ACOX1: variants seen among roughly 807,000 people sequenced by gnomAD.
ACOX1 encodes peroxisomal acyl-coenzyme A oxidase 1.
Under a neutral mutation model 75.5 loss-of-function variants are expected in ACOX1, and 41 were observed. The ratio of observed to expected loss-of-function variants is 0.54; its 90% confidence interval spans 0.42 to 0.70. The LOEUF is 0.70. Ranked by LOEUF, ACOX1 falls within the 30% of genes least tolerant of loss-of-function variation. The pLI, the probability that ACOX1 is intolerant of heterozygous loss-of-function variation, is 0.00. For missense variants in ACOX1, 630 were observed against 837.5 expected (o/e 0.75, Z 3.06); for synonymous variants, 303 against 298.8 (o/e 1.01, Z -0.15).
At chr17:75,973,135 T>C (rs759714550) in intron 2 of ACOX1, among the ~76,000 whole-genome samples, 2 of 152,170 alleles carry the variant, frequency 1.3e-5, no homozygotes, top group African/African-American at 2.4e-5. Context: ...AAGACTGAAG[T>C]CAGATGAAGA....
rs1400658807 is a variant in ACOX1, at chr17:75,944,585, T to C, written c.*2163A>G. 1 of 152,206 alleles carries C rather than the reference T, an allele frequency of 6.6e-6. No individual in the cohort carries two copies. The highest frequency in any genetic ancestry group is 1.5e-5 in the Non-Finnish European group (1 of 68,044). 9.4% of individuals were successfully genotyped at this position (152,206 alleles called of 1,614,324 possible). ...ATCTAATAAACCTCTATTCTAAATT[T>C]CTTCATAATTTAAACCTATGTTTAG... On this transcript the variant is annotated 3_prime_UTR_variant, in exon 14 of 14. Transcript: ENST00000293217.
At chr17:75,953,027 G>A (rs2065788820) in intron 7 of ACOX1, among the ~76,000 whole-genome samples, 1 of 151,958 alleles carries the variant, frequency 6.6e-6, no homozygotes, top group South Asian at 2.1e-4. Context: ...TCAGTGAAAG[G>A]CAGTTGTAGG....
In ACOX1 at chr17:75,958,537, G is replaced by A. The variant is rs1014960585; in HGVS notation, c.431-971C>T. On this transcript the variant is annotated intron_variant, in intron 3 of 13. Coordinates refer to ENST00000293217, the MANE Select transcript of ACOX1 (RefSeq NM_004035.7). ...CAACAAAAAAATTAAAGCTGGGCACGGTGGCTCACGCCTGTAATCCCAGCA... is the reference window on the plus strand; with the variant it reads ...CAACAAAAAAATTAAAGCTGGGCACAGTGGCTCACGCCTGTAATCCCAGCA... 2.0e-4 allele frequency among the ~76,000 whole-genome samples: 29 copies of A among 143,696 alleles called. 1 individual carries two copies. Among genetic ancestry groups the A allele is most frequent in the East Asian group, 3.9e-4 (2 of 5,114 alleles). 94.3% of individuals were successfully genotyped at this position (143,696 alleles called of 152,430 possible).
Position 75,979,030 on chromosome 17 carries a change from T to A in ACOX1, c.44A>T (p.Asn15Ile). Residue 15 changes from asparagine to isoleucine, a missense_variant, in exon 1 of 14, where the codon AAC (asparagine) becomes ATC (isoleucine). Around this residue, in one of 2 missense-constraint regions of ACOX1, gnomAD observed 390 missense variants for 574.9 expected, o/e 0.68. Coordinates refer to ENST00000293217, the MANE Select transcript of ACOX1 (RefSeq NM_004035.7). ...LRRERDSASF[N>I]PELLTHILDG... ...CAGGATGTGTGTAAGCAGCTCCGGG[T>A]TGAAGCTGGCGGAATCCCGCTCCCT... The A allele has an allele frequency of 1.2e-6, 2 of 1,612,446 alleles. No homozygotes were observed. Among genetic ancestry groups the A allele is most frequent in the African/African-American group, 2.7e-5 (2 of 75,020 alleles).
rs2065754574 is a variant in ACOX1, at chr17:75,949,563, C to T, written c.1516G>A (p.Val506Met). The T allele has an allele frequency of 6.2e-7, 1 of 1,614,044 alleles. No individual in the cohort carries two copies. The highest frequency in any genetic ancestry group is 1.3e-5 in the African/African-American group (1 of 74,914). ...EIAAKNLQKE[V>M]IHRKSKEVAW... is the part of the protein sequence containing the mutation. ...ACCTCCTTGCTTTTTCTGTGAATCA[C>T]TTCTTTTTGAAGGTTTTTTGCAGCA... Residue 506 changes from valine to methionine, a missense_variant, in exon 11 of 14, where the codon GTG (valine) becomes ATG (methionine). Val to Met is a conservative substitution (Grantham distance 21). Coordinates refer to ENST00000293217, the MANE Select transcript of ACOX1 (RefSeq NM_004035.7).
In ACOX1 at chr17:75,944,662, CTATCTT is replaced by C. The variant is rs1404181285; in HGVS notation, c.*2080_*2085del. On this transcript the variant is annotated 3_prime_UTR_variant, in exon 14 of 14. Transcript: ENST00000293217. ...ATAGTACAAATCAGTGACGTTTACTCTATCTTTATTCTTGATTATATTGAATAAAGT... is the reference window on the plus strand; with the variant it reads ...ATAGTACAAATCAGTGACGTTTACTCTATTCTTGATTATATTGAATAAAGT... 1 of 152,156 alleles carries C rather than the reference CTATCTT, an allele frequency of 6.6e-6. No individual in the cohort carries two copies. The highest frequency in any genetic ancestry group is 2.4e-5 in the African/African-American group (1 of 41,428). The allele number at this position is 152,156 out of a possible 1,614,324, so 9.4% of individuals were successfully genotyped here. A position where few individuals can be genotyped will look rare whatever the true frequency, so the allele number is the denominator to read the frequency against.
At chr17:75,977,677 C>G (rs1050719684) in intron 2 of ACOX1, among the ~76,000 whole-genome samples, 5 of 152,208 alleles carry the variant, frequency 3.3e-5, no homozygotes, top group Non-Finnish European at 5.9e-5. Flanking sequence ...CTCTCATATG[C>G]ACAAGACAAC....
chr17:75,977,351 G>A (rs118121093), intron 2 of ACOX1, among the ~76,000 whole-genome samples: 26 of 151,762 alleles, frequency 1.7e-4, no homozygotes, highest in Non-Finnish European at 2.9e-4. Flanking sequence ...GGTGGATCAC[G>A]AGGTGAGGAG....
At chr17:75,961,568 A>G (rs1436401691) in intron 2 of ACOX1, among the ~76,000 whole-genome samples, 2 of 151,454 alleles carry the variant, frequency 1.3e-5, no homozygotes, top group Admixed American at 6.6e-5. Context: ...TCAGGAGTTC[A>G]AGACCAGCCT....
intron 2 of ACOX1, among the ~76,000 whole-genome samples, chr17:75,968,243 T>C (rs1010191690): frequency 1.1e-4 from 16 of 147,716 alleles, no homozygotes; most frequent in African/African-American, 2.7e-4. Flanking sequence ...GAGACCATCC[T>C]GGCTAAAACG....
chr17:75,967,113 C>T (rs184667822), intron 2 of ACOX1, among the ~76,000 whole-genome samples: 93 of 151,398 alleles, frequency 6.1e-4, no homozygotes, highest in Admixed American at 1.3e-3. Flanking sequence ...CCATGAGATT[C>T]ATTCTCACTC....
chr17:75,978,636 C>T lies in ACOX1; in HGVS notation c.167G>A (p.Arg56His). 1 of 1,614,190 alleles carries T rather than the reference C, an allele frequency of 6.2e-7. No individual in the cohort carries two copies. Among genetic ancestry groups the T allele is most frequent in the Non-Finnish European group, 8.5e-7 (1 of 1,180,040 alleles). Residue 56 changes from arginine (R) to histidine (H), a missense_variant, in exon 2 of 14, where the codon CGC becomes CAC. This residue lies in a region of ACOX1 where 390 missense variants were observed against 574.9 expected (regional missense o/e 0.68). Coordinates refer to ENST00000293217, the MANE Select transcript of ACOX1 (RefSeq NM_004035.7). The surrounding 1 kb of genome is among the most constrained non-coding windows in gnomAD (Gnocchi z 4.2). ...FQHEDLNFLT[R>H]SQRYEVAVRK... ...GACAGCCACCTCATAACGCTGGCTG[C>T]GAGTGAGGAAGTTCAAGTCCTCATG...
chr17:75,967,596 C>T (rs1288885327), intron 2 of ACOX1, among the ~76,000 whole-genome samples: 10 of 138,220 alleles, frequency 7.2e-5, no homozygotes, highest in South Asian at 4.5e-4. Context: ...TTTAAAAAAT[C>T]GAAATATATA....
chr17:75,962,234 C>T (rs1288489138), intron 2 of ACOX1, among the ~76,000 whole-genome samples: 1 of 152,026 alleles, frequency 6.6e-6, no homozygotes, highest in African/African-American at 2.4e-5. Context: ...ACCATAATAA[C>T]GACAAGTTAC....
In ACOX1 at chr17:75,978,356, G is replaced by C. The variant is rs547077168; in HGVS notation, c.269+178C>G. On this transcript the variant is annotated intron_variant, in intron 2 of 13. Transcript: ENST00000293217. This position sits in a 1 kb window ranked among gnomAD's most constrained non-coding sequence, Gnocchi z 4.2. ...GATCCGCCCGCCTCGGCCTCCCAAA[G>C]TGCTGGGATTACAGGCGTGAGCCAC... 4.3e-5 allele frequency: 31 copies of C among 714,846 alleles called. No homozygotes were observed. The East Asian group carries it at 9.5e-4, about 22-fold the overall frequency. 44.3% of individuals were successfully genotyped at this position (714,846 alleles called of 1,614,324 possible).
chr17:75,950,628 C>A lies in ACOX1; in HGVS notation c.1298+146G>T. On this transcript the variant is annotated intron_variant, in intron 9 of 13. Transcript: ENST00000293217. This position sits in a 1 kb window ranked among gnomAD's most constrained non-coding sequence, Gnocchi z 4.3. ...CTCTAGCCTCACCACGAAATAAAAA[C>A]CGTGAGTCAGGATGGAAGGCAAAAG... The A allele has an allele frequency of 1.2e-6, 1 of 819,450 alleles. No individual in the cohort carries two copies. Among genetic ancestry groups the A allele is most frequent in the South Asian group, 1.6e-5 (1 of 63,872 alleles). The allele number at this position is 819,450 out of a possible 1,614,324, so 50.8% of individuals were successfully genotyped here.
At chr17:75,975,913 GAGAA>G (rs1236813433) in intron 2 of ACOX1, among the ~76,000 whole-genome samples, 2 of 149,534 alleles carry the variant, frequency 1.3e-5, no homozygotes, top group East Asian at 3.9e-4. Context: ...GGAAGAGAAA[GAGAA>G]AGAAAAAGAA....
chr17:75,972,075 T>C (rs7217719), intron 2 of ACOX1, among the ~76,000 whole-genome samples: 66,762 of 152,024 alleles, frequency 0.44, 17,740 homozygotes, highest in African/African-American at 0.76. Flanking sequence ...CAGTGGCTCA[T>C]GCCTTGTAAT....
At chr17:75,972,972 C>G (rs1265451174) in intron 2 of ACOX1, among the ~76,000 whole-genome samples, 2 of 152,160 alleles carry the variant, frequency 1.3e-5, no homozygotes, top group African/African-American at 4.8e-5. Context: ...AACACTCAAA[C>G]CTGCCAATGG....
Sources: allele counts gnomAD v4.1 joint callset (sites outside exome capture counted in the v4.1 genomes callset), GRCh38; gene constraint gnomAD v4.1.1; regional missense constraint gnomAD v4.1.1; non-coding constraint Gnocchi (gnomAD v3.1); transcripts MANE v1.5; gene names NCBI Gene and HGNC (gene_info 2026-07-23, HGNC 2026-07-21).